The following AAK1 variants were observed in gnomAD, a reference collection of about 807,000 sequenced individuals.
AAK1 encodes AP2-associated protein kinase 1.
A neutral mutation model predicts 116.0 loss-of-function variants in AAK1; 37 were observed. The observed-to-expected ratio is 0.32, with a 90% CI of 0.25 to 0.42. AAK1 has a LOEUF of 0.42. Ranked by LOEUF, AAK1 falls within the 10% of genes least tolerant of loss-of-function variation. The pLI is 1.00. For missense variants in AAK1, 919 were observed against 1,170.6 expected (o/e 0.79, Z 3.14); for synonymous variants, 458 against 439.9 (o/e 1.04, Z -0.51).
chr2:69,578,705 C>T (rs1055307735), intron 2 of AAK1, among the ~76,000 whole-genome samples: 5 of 152,080 alleles, frequency 3.3e-5, no homozygotes, highest in African/African-American at 9.7e-5. Context: ...ACTTCACTCC[C>T]TGAAGAAATT....
chr2:69,473,490 G>A lies in AAK1; in HGVS notation c.*2379C>T, dbSNP rs1188896270. ...GAGGCCTTACTCTAAATAAGCCCAAGACAATTTCTTGTCATTATCTCCCTT... is the reference window on the plus strand; with the variant it reads ...GAGGCCTTACTCTAAATAAGCCCAAAACAATTTCTTGTCATTATCTCCCTT... On this transcript the variant is annotated 3_prime_UTR_variant, in exon 22 of 22. Coordinates refer to ENST00000409085, the MANE Select transcript of AAK1 (RefSeq NM_014911.5). The A allele has an allele frequency of 4.1e-6, 4 of 985,252 alleles. No homozygotes were observed. The highest frequency in any genetic ancestry group is 4.8e-6 in the Non-Finnish European group (4 of 829,934). The allele number at this position is 985,252 out of a possible 1,614,324, so 61.0% of individuals were successfully genotyped here.
intron 2 of AAK1, among the ~76,000 whole-genome samples, chr2:69,608,331 G>T (rs1299873468): frequency 5.3e-5 from 8 of 152,190 alleles, no homozygotes; most frequent in Admixed American, 4.6e-4. Context: ...GCTGGGTCTG[G>T]CACGGGCAGC....
intron 2 of AAK1, among the ~76,000 whole-genome samples, chr2:69,628,164 G>A (rs945767316): frequency 3.9e-4 from 60 of 152,284 alleles, no homozygotes; most frequent in African/African-American, 1.4e-3. Context: ...CTATTGTCTT[G>A]GCTGGGCGTG....
intron 17 of AAK1, among the ~76,000 whole-genome samples, chr2:69,484,559 G>A (rs1248276046): frequency 3.3e-5 from 5 of 152,272 alleles, no homozygotes; most frequent in East Asian, 1.9e-4. Flanking sequence ...TTGGGAGGCC[G>A]AGGTGGGTGG....
intron 2 of AAK1, among the ~76,000 whole-genome samples, chr2:69,599,379 T>TAA (rs34685588): frequency 0.041 from 4,289 of 103,460 alleles, 261 homozygotes; most frequent in African/African-American, 0.12. Flanking sequence ...TAGTTCTGTG[T>TAA]AAAAAAAAAA....
intron 2 of AAK1, among the ~76,000 whole-genome samples, chr2:69,614,604 T>G (rs1288197636): frequency 6.6e-6 from 1 of 152,126 alleles, no homozygotes; most frequent in Non-Finnish European, 1.5e-5. Context: ...CCTTCACCAC[T>G]CTGGTAGGTT....
chr2:69,569,199 TA>T (rs1220820314), intron 2 of AAK1, among the ~76,000 whole-genome samples: 1 of 152,238 alleles, frequency 6.6e-6, no homozygotes, highest in Non-Finnish European at 1.5e-5. Flanking sequence ...CAGCAGAATA[TA>T]AGAGCCTTTA....
rs536505604 is a variant in AAK1 at position 69,581,136 on chromosome 2, C to T, written c.164-24158G>A. Reference sequence around the variant, plus strand: ...AATTTTATTTATTTATTTATTGAGACGGAATCTCACTCTGTCTCCCAGGCT... The same window carrying T: ...AATTTTATTTATTTATTTATTGAGATGGAATCTCACTCTGTCTCCCAGGCT... On this transcript the variant is annotated intron_variant, in intron 2 of 21. Coordinates refer to ENST00000409085, the MANE Select transcript of AAK1 (RefSeq NM_014911.5). Among the ~76,000 whole-genome samples the T allele has an allele frequency of 3.3e-5, 5 of 152,132 alleles. No individual in the cohort carries two copies. In the South Asian group the frequency reaches 6.2e-4, roughly 19 times the overall value.
intron 17 of AAK1, among the ~76,000 whole-genome samples, chr2:69,493,039 A>T (rs1173157407): frequency 6.6e-6 from 1 of 151,572 alleles, no homozygotes; most frequent in African/African-American, 2.4e-5. Context: ...CAAAAATGTT[A>T]AAAAAGGATG....
chr2:69,472,751 C>T lies in AAK1; in HGVS notation c.*3118G>A. On this transcript the variant is annotated 3_prime_UTR_variant, in exon 22 of 22. Transcript: ENST00000409085. Reference sequence around the variant, plus strand: ...CAGAAACATATGCTTATAGTATTTGCCCGTTTTAAACTGGTAGATGCCTGA... The same window carrying T: ...CAGAAACATATGCTTATAGTATTTGTCCGTTTTAAACTGGTAGATGCCTGA... The T allele has an allele frequency of 7.1e-6, 7 of 985,332 alleles. No individual in the cohort carries two copies. The highest frequency in any genetic ancestry group is 8.4e-6 in the Non-Finnish European group (7 of 829,898). The allele number at this position is 985,332 out of a possible 1,614,324, so 61.0% of individuals were successfully genotyped here.
At chr2:69,531,908 AC>A (rs1313569142) in intron 6 of AAK1, 132 bp downstream of exon 6, 3 of 1,422,738 alleles carry the variant, frequency 2.1e-6, no homozygotes, top group African/African-American at 1.4e-5. Flanking sequence ...CCAACTGTAA[AC>A]ATGATGCTCT....
intron 11 of AAK1, 56 bp downstream of exon 11, chr2:69,520,778 T>C (rs1669740592): frequency 1.3e-6 from 2 of 1,504,006 alleles, no homozygotes; most frequent in Admixed American, 2.4e-5. Context: ...AAGACTTCTC[T>C]GTTGTCCAGA....
chr2:69,516,312 C>T (rs1345196266), intron 12 of AAK1, among the ~76,000 whole-genome samples: 1 of 135,112 alleles, frequency 7.4e-6, no homozygotes, highest in Non-Finnish European at 1.6e-5. Flanking sequence ...TCAAGATTTC[C>T]AGAAAAAAAA....
intron 2 of AAK1, among the ~76,000 whole-genome samples, chr2:69,584,164 G>T (rs1395741730): frequency 6.6e-6 from 1 of 152,136 alleles, no homozygotes; most frequent in Non-Finnish European, 1.5e-5. Flanking sequence ...TTCTGGTATA[G>T]TTACCTTCTC....
chr2:69,531,053 A>G (rs1335254624), intron 6 of AAK1, among the ~76,000 whole-genome samples: 1 of 152,152 alleles, frequency 6.6e-6, no homozygotes, highest in East Asian at 1.9e-4. Flanking sequence ...GTTGTTTTAA[A>G]AATGGCCTTT....
intron 2 of AAK1, among the ~76,000 whole-genome samples, chr2:69,571,164 A>G (rs1672079836): frequency 6.6e-6 from 1 of 152,122 alleles, no homozygotes; most frequent in South Asian, 2.1e-4. Flanking sequence ...TCTTCACCCT[A>G]TGCTAAAATA....
intron 2 of AAK1, among the ~76,000 whole-genome samples, chr2:69,640,163 A>G (rs929309419): frequency 6.6e-6 from 1 of 151,724 alleles, no homozygotes; most frequent in African/African-American, 2.4e-5. Flanking sequence ...AATGTTAATT[A>G]TATATATTGC....
intron 5 of AAK1, among the ~76,000 whole-genome samples, chr2:69,539,416 CG>C (rs57175066): frequency 0.13 from 18,998 of 151,932 alleles, 3,571 homozygotes; most frequent in African/African-American, 0.41. Flanking sequence ...GGGTGCAGAA[CG>C]GGGGCTACAG....
In AAK1 at chr2:69,496,053, A is replaced by G. The variant is rs192569396; in HGVS notation, c.2297T>C (p.Val766Ala). 1.2e-4 allele frequency: 185 copies of G among 1,555,534 alleles called. No individual in the cohort carries two copies. In the East Asian group the frequency reaches 4.3e-3, roughly 36 times the overall value. ...GCTTAGAAGCGGGAGGCCAGAGTCCACAGTCTGCCCACCCTTCCTTTTTTC... is the reference window on the plus strand; with the variant it reads ...GCTTAGAAGCGGGAGGCCAGAGTCCGCAGTCTGCCCACCCTTCCTTTTTTC... ...TAEKRKGGQTVDSGLPLLSVS... is the reference protein window; with the variant it reads ...TAEKRKGGQTADSGLPLLSVS... Residue 766 changes from valine (V) to alanine (A), a missense_variant, in exon 17 of 22, where the codon GTG (valine) becomes GCG (alanine). By Grantham distance (64) the Val-to-Ala change is moderately conservative. Transcript: ENST00000409085.
Sources: allele counts gnomAD v4.1 joint callset (sites outside exome capture counted in the v4.1 genomes callset), GRCh38; gene constraint gnomAD v4.1.1; transcripts MANE v1.5; gene names NCBI Gene and HGNC (gene_info 2026-07-23, HGNC 2026-07-21).